Variants in RYK observed in about 807,000 individuals in gnomAD.
RYK encodes receptor like tyrosine kinase.
In RYK, 21 loss-of-function variants were observed where a neutral mutation model predicts 70.2. The ratio of observed to expected loss-of-function variants is 0.30; its 90% CI spans 0.21 to 0.43. The LOEUF is 0.43. RYK is among the 20% of genes least tolerant of loss of function. RYK has a pLI of 1.00. For synonymous variants in RYK, 267 were observed against 278.0 expected, an observed-to-expected ratio of 0.96 and a Z score of 0.39; for missense variants, 604 against 753.3, an observed-to-expected ratio of 0.80 and a Z score of 2.32.
intron 14 of RYK, among the ~76,000 whole-genome samples, chr3:134,158,866 GACA>G (rs1174451278): frequency 2.0e-5 from 3 of 152,162 alleles, no homozygotes; most frequent in Non-Finnish European, 4.4e-5. Context: ...AAGGCAAAAT[GACA>G]ACGAGAGAGG....
At chr3:134,178,474 A>G (rs1281452811) in intron 10 of RYK, 2 of 153,220 alleles carry the variant, frequency 1.3e-5, no homozygotes, top group Non-Finnish European at 2.9e-5. Flanking sequence ...AAAAAAAAAA[A>G]GGCCCAATCC....
intron 3 of RYK, among the ~76,000 whole-genome samples, chr3:134,210,265 T>C (rs1241883884): frequency 6.6e-6 from 1 of 152,206 alleles, no homozygotes; most frequent in Non-Finnish European, 1.5e-5. Context: ...TGCAAGTATG[T>C]CTGCTCTTAA....
chr3:134,239,066 T>G (rs1167087059), intron 1 of RYK, among the ~76,000 whole-genome samples: 1 of 152,138 alleles, frequency 6.6e-6, no homozygotes, highest in Non-Finnish European at 1.5e-5. Context: ...GATACAGGTC[T>G]GCTTATGCAG....
At chr3:134,244,347 A>G (rs1441723001) in intron 1 of RYK, among the ~76,000 whole-genome samples, 2 of 152,202 alleles carry the variant, frequency 1.3e-5, no homozygotes, top group Admixed American at 6.5e-5. Context: ...TAATTAGCAT[A>G]ATAATAAAGA....
At chr3:134,165,151 G>A (rs980811883) in intron 13 of RYK, among the ~76,000 whole-genome samples, 2 of 152,004 alleles carry the variant, frequency 1.3e-5, no homozygotes, top group African/African-American at 2.4e-5. Context: ...TCGTATTTTT[G>A]ATGTTCTTAT....
intron 6 of RYK, among the ~76,000 whole-genome samples, chr3:134,195,770 A>C (rs2013792131): frequency 6.6e-6 from 1 of 152,168 alleles, no homozygotes; most frequent in African/African-American, 2.4e-5. Context: ...TACATGGTGA[A>C]ACCCTGTCTC....
Position 134,250,564 on chromosome 3 carries a change from G to T in RYK, c.91C>A (p.Leu31Ile). The T allele has an allele frequency of 9.2e-7, 1 of 1,089,550 alleles. No homozygotes were observed. Among genetic ancestry groups the T allele is most frequent in the Non-Finnish European group, 1.1e-6 (1 of 874,690 alleles). 67.5% of individuals were successfully genotyped at this position (1,089,550 alleles called of 1,614,324 possible). Reference protein sequence around the residue: ...LRAPPPPPLLLLLALLPLLPA... With the variant: ...LRAPPPPPLLILLALLPLLPA... ...AGCAGCGGCAACAGCGCAAGCAGAA[G>T]CAGCAGCGGCGGCGGCGGCGGGGCC... Residue 31 changes from leucine (L) to isoleucine (I), a missense_variant, in exon 1 of 15, where the codon CTT becomes ATT. Physicochemically the swap from Leu to Ile is conservative, Grantham distance 5 (BLOSUM62 2). Transcript: ENST00000623711.
intron 5 of RYK, among the ~76,000 whole-genome samples, chr3:134,205,219 C>T (rs923523194): frequency 1.3e-5 from 2 of 152,124 alleles, no homozygotes; most frequent in Admixed American, 1.3e-4. Context: ...TATCTCCATG[C>T]ACAGACGTTA....
Position 134,159,366 on chromosome 3 carries a change from A to G in RYK, c.1583T>C (p.Phe528Ser). The G allele has an allele frequency of 6.2e-7, 1 of 1,605,638 alleles. No homozygotes were observed. Among genetic ancestry groups the G allele is most frequent in the Non-Finnish European group, 8.5e-7 (1 of 1,175,430 alleles). The change falls in exon 14 of 15, where the codon TTT becomes TCT. Residue 528 changes from phenylalanine (F) to serine (S), a missense_variant. Around this residue, in one of 2 missense-constraint regions of RYK, gnomAD observed 138 missense variants for 217.4 expected, o/e 0.63. Transcript: ENST00000623711. ...CATGAGTTCCCACAGCGTCACTCCA[A>G]AGGCCCACTAGTAAAGGAGCAGAAG... The part of the protein sequence containing the change: ...EFSSASDVWA[F>S]GVTLWELMTL...
chr3:134,242,547 A>G (rs568498328), intron 1 of RYK, among the ~76,000 whole-genome samples: 34 of 152,358 alleles, frequency 2.2e-4, no homozygotes, highest in African/African-American at 7.9e-4. Flanking sequence ...TAAGTGTGAC[A>G]TAATTTTAGA....
intron 13 of RYK, among the ~76,000 whole-genome samples, chr3:134,161,341 G>A (rs1421186575): frequency 6.6e-6 from 1 of 152,158 alleles, no homozygotes; most frequent in Non-Finnish European, 1.5e-5. Flanking sequence ...ATTGTGGGCT[G>A]GAGGATTCTT....
intron 1 of RYK, among the ~76,000 whole-genome samples, chr3:134,234,417 T>C (rs2015148987): frequency 6.6e-6 from 1 of 152,082 alleles, no homozygotes; most frequent in Non-Finnish European, 1.5e-5. Context: ...CAAAGTACTA[T>C]AAACTGAAGA....
At chr3:134,193,772 G>A (rs1261332884) in intron 7 of RYK, among the ~76,000 whole-genome samples, 2 of 151,944 alleles carry the variant, frequency 1.3e-5, no homozygotes, top group African/African-American at 4.8e-5. Flanking sequence ...TCTTGCCACT[G>A]TCTTATTGAA....
chr3:134,160,310 T>C (rs1406548351), intron 13 of RYK, among the ~76,000 whole-genome samples: 3 of 151,364 alleles, frequency 2.0e-5, no homozygotes, highest in Admixed American at 6.6e-5. Flanking sequence ...TGCCCCAAAA[T>C]ACATATTTTA....
intron 2 of RYK, among the ~76,000 whole-genome samples, chr3:134,221,273 C>T (rs540259256): frequency 7.5e-6 from 1 of 132,998 alleles, no homozygotes; most frequent in South Asian, 2.4e-4. Context: ...GGTGCGATCT[C>T]GGCTCACTGC....
intron 2 of RYK, among the ~76,000 whole-genome samples, chr3:134,221,196 CTTTTTTTTTTTT>C (rs71139519): frequency 1.9e-3 from 149 of 78,590 alleles, no homozygotes; most frequent in African/African-American, 7.9e-3. Flanking sequence ...AGTTCTTTTT[CTTTTTTTTTTTT>C]TTTTTTTTTT....
chr3:134,206,560 A>G (rs1483723466), intron 5 of RYK, among the ~76,000 whole-genome samples: 1 of 152,196 alleles, frequency 6.6e-6, no homozygotes, highest in African/African-American at 2.4e-5. Flanking sequence ...AACATGGACT[A>G]TCTATTGGAG....
At chr3:134,173,835 T>C (rs1157506486) in intron 13 of RYK, among the ~76,000 whole-genome samples, 1 of 152,222 alleles carries the variant, frequency 6.6e-6, no homozygotes, top group African/African-American at 2.4e-5. Flanking sequence ...TCTCAAATTA[T>C]TCTCATTTTA....
chr3:134,238,370 C>T (rs1325266781), intron 1 of RYK, among the ~76,000 whole-genome samples: 3 of 152,170 alleles, frequency 2.0e-5, no homozygotes, highest in African/African-American at 7.2e-5. Flanking sequence ...AGTGTATGTT[C>T]ATACACAGAA....
Sources: allele counts gnomAD v4.1 joint callset (sites outside exome capture counted in the v4.1 genomes callset), GRCh38; gene constraint gnomAD v4.1.1; regional missense constraint gnomAD v4.1.1; transcripts MANE v1.5; gene names NCBI Gene and HGNC (gene_info 2026-07-23, HGNC 2026-07-21).